SMARCA2: variants seen among roughly 807,000 people sequenced by gnomAD.
SMARCA2 encodes SWI/SNF related BAF chromatin remodeling complex subunit ATPase 2, also known as SWI/SNF-related matrix-associated actin-dependent regulator of chromatin subfamily A member 2.
A neutral mutation model predicts 199.8 loss-of-function variants in SMARCA2; 61 were observed. The ratio of observed to expected loss-of-function variants is 0.31; its 90% CI spans 0.25 to 0.38. The LOEUF (loss-of-function observed/expected upper bound fraction) is 0.38. Ranked by LOEUF, SMARCA2 falls within the 10% of genes least tolerant of loss-of-function variation. SMARCA2 has a pLI of 1.00. For synonymous variants in SMARCA2, 935 were observed against 732.0 expected (o/e 1.28, Z -4.48); for missense variants, 1,344 against 2,012.2 (o/e 0.67, Z 6.35).
chr9:2,040,217 G>C (rs752249241), intron 4 of SMARCA2: 84 of 564,424 alleles, frequency 1.5e-4, no homozygotes, highest in Non-Finnish European at 2.1e-4. Context: ...ACAAGGTTAA[G>C]AACCTCTGGA....
At chr9:2,019,815 TG>T (rs1293144795) in intron 1 of SMARCA2, among the ~76,000 whole-genome samples, 1 of 151,502 alleles carries the variant, frequency 6.6e-6, no homozygotes, top group Non-Finnish European at 1.5e-5. Context: ...AGTGTTTTCT[TG>T]TTTTTTTTTT....
intron 9 of SMARCA2, among the ~76,000 whole-genome samples, chr9:2,067,171 A>G (rs916711449): frequency 1.3e-5 from 2 of 152,228 alleles, no homozygotes; most frequent in African/African-American, 2.4e-5. Flanking sequence ...CACCAATTCA[A>G]TGGCTAATTG....
In SMARCA2 at chr9:2,033,046, G is replaced by T. The variant is rs533959336; in HGVS notation, c.320G>T (p.Gly107Val). The part of the protein sequence containing the change: ...TGMRPPHPGM[G>V]PPQSPMDQHS... ...ATGCGACCACCTCACCCAGGCATGG[G>T]CCCTCCCCAGAGTCCAATGGATCAA... Residue 107 changes from glycine (G) to valine (V), a missense_variant, in exon 3 of 34, where the codon GGC becomes GTC. Transcript: ENST00000349721. 2.5e-5 allele frequency: 40 copies of T among 1,614,092 alleles called. No individual in the cohort carries two copies. The highest frequency in any genetic ancestry group is 3.3e-5 in the Non-Finnish European group (39 of 1,179,974).
chr9:2,091,937 GCATAGGAAAATTA>G (rs1563762740), intron 19 of SMARCA2, among the ~76,000 whole-genome samples: 1 of 152,138 alleles, frequency 6.6e-6, no homozygotes, highest in Non-Finnish European at 1.5e-5. Context: ...CAGGTCAACC[GCATAGGAAAATTA>G]GCTTTAATAT....
chr9:2,155,529 C>T (rs1039571594), intron 27 of SMARCA2, among the ~76,000 whole-genome samples: 1 of 152,096 alleles, frequency 6.6e-6, no homozygotes, highest in African/African-American at 2.4e-5. Context: ...GATCCACCCG[C>T]CTTGGCCTCC....
intron 1 of SMARCA2, among the ~76,000 whole-genome samples, chr9:2,028,765 T>TG (rs971119493): frequency 1.3e-5 from 2 of 152,222 alleles, no homozygotes; most frequent in African/African-American, 4.8e-5. Context: ...TATATTTTTC[T>TG]GGGGAATCAT....
At position 2,101,553 on chromosome 9, in the gene SMARCA2, A is replaced by G. The variant is rs776431853; in HGVS notation, c.3079-17A>G. ...TACATTTTTTAAAATCATTCTTTCT[A>G]TCTCTCTCTTTTAAAGGAATCCTTT... is the stretch of plus-strand genomic sequence containing the variant. On this transcript the variant is annotated splice_polypyrimidine_tract_variant and intron_variant, in intron 21 of 33. Coordinates refer to ENST00000349721, the MANE Select transcript of SMARCA2 (RefSeq NM_003070.5). The G allele has an allele frequency of 1.4e-5, 19 of 1,394,284 alleles. No homozygotes were observed. Among genetic ancestry groups the G allele is most frequent in the African/African-American group, 4.4e-5 (3 of 68,476 alleles). 86.4% of individuals were successfully genotyped at this position (1,394,284 alleles called of 1,614,324 possible).
intron 29 of SMARCA2, among the ~76,000 whole-genome samples, chr9:2,180,565 G>C (rs1826953361): frequency 6.6e-6 from 1 of 152,120 alleles, no homozygotes; most frequent in Non-Finnish European, 1.5e-5. Context: ...GATATTTCTG[G>C]CTTCACAAAG....
chr9:2,076,858 C>T (rs1821348838), intron 13 of SMARCA2, among the ~76,000 whole-genome samples: 1 of 152,094 alleles, frequency 6.6e-6, no homozygotes, highest in Non-Finnish European at 1.5e-5. Flanking sequence ...CTCATCCATT[C>T]CTGTGGGCCC....
At position 2,170,877 on chromosome 9, in the gene SMARCA2, T is replaced by C. The variant is rs1826213823; in HGVS notation, c.4253+405T>C. ...TTAATGCGAAGCACCTGTAGTGACT[T>C]GATCTCCTGCGAGACATGAAGAAGC... On this transcript the variant is annotated intron_variant, in intron 29 of 33. Coordinates refer to ENST00000349721, the MANE Select transcript of SMARCA2 (RefSeq NM_003070.5). The surrounding 1 kb of genome is among the most constrained non-coding windows in gnomAD (Gnocchi z 4.7). Among the ~76,000 whole-genome samples the C allele has an allele frequency of 1.3e-5, 2 of 152,198 alleles. No individual in the cohort carries two copies. The highest frequency in any genetic ancestry group is 6.5e-5 in the Admixed American group (1 of 15,290).
chr9:2,075,938 A>C (rs1012941164), intron 12 of SMARCA2, among the ~76,000 whole-genome samples: 9 of 152,338 alleles, frequency 5.9e-5, no homozygotes, highest in African/African-American at 2.2e-4. Context: ...TAACCAAATA[A>C]TGATAAACAT....
intron 31 of SMARCA2, among the ~76,000 whole-genome samples, chr9:2,182,592 C>G (rs1181156765): frequency 6.8e-6 from 1 of 146,616 alleles, no homozygotes; most frequent in Non-Finnish European, 1.5e-5. Flanking sequence ...CTCCCAGGTT[C>G]AAGCCATTCT....
rs765102502 is a variant in SMARCA2, at chr9:2,070,440, G to T, written c.1715G>T (p.Gly572Val). The change falls in exon 10 of 34, where the codon GGT becomes GTT. Residue 572 changes from glycine to valine, a missense_variant. Gly to Val is a moderately radical substitution (Grantham distance 109). Around this residue, in one of 18 missense-constraint regions of SMARCA2, gnomAD observed 68 missense variants for 70.4 expected, o/e 0.97. Coordinates refer to ENST00000349721, the MANE Select transcript of SMARCA2 (RefSeq NM_003070.5). ...RKKKAEENAE[G>V]GESALGPDGE... The stretch of plus-strand genomic sequence containing the variant: ...CAGAAGGCTGAGGAGAATGCAGAGG[G>T]TGGGGAGTCTGCCCTGGGACCGGAT... 2 of 1,613,968 alleles carry T rather than the reference G, an allele frequency of 1.2e-6. No homozygotes were observed. The highest frequency in any genetic ancestry group is 1.3e-5 in the African/African-American group (1 of 75,038).
intron 31 of SMARCA2, among the ~76,000 whole-genome samples, chr9:2,182,807 T>A (rs1827147538): frequency 6.3e-5 from 1 of 15,996 alleles, no homozygotes; most frequent in South Asian, 2.5e-3. Flanking sequence ...AAAGCATATA[T>A]TTTTTTTTCG....
intron 27 of SMARCA2, among the ~76,000 whole-genome samples, chr9:2,137,722 G>A (rs1824268297): frequency 6.6e-6 from 1 of 152,164 alleles, no homozygotes; most frequent in African/African-American, 2.4e-5. Flanking sequence ...CTTCTTGACT[G>A]CTATGTCCTG....
At chr9:2,044,996 G>C (rs930449171) in intron 4 of SMARCA2, 2 of 152,176 alleles carry the variant, frequency 1.3e-5, no homozygotes, top group South Asian at 4.1e-4. Flanking sequence ...TTGATTAAAT[G>C]TAGTTTTTAA....
At position 2,033,657 on chromosome 9, in the gene SMARCA2, T is replaced by G. The variant is rs77381160; in HGVS notation, c.355+576T>G. On this transcript the variant is annotated intron_variant, in intron 3 of 33. Transcript: ENST00000349721. Reference sequence around the variant, plus strand: ...TACCACAAACAGAAATGTATTCTCTTATATAATTCTGGAGGCAAAGTCTGA... The same window carrying G: ...TACCACAAACAGAAATGTATTCTCTGATATAATTCTGGAGGCAAAGTCTGA... 3.7e-3 allele frequency among the ~76,000 whole-genome samples: 564 copies of G among 152,328 alleles called. 5 individuals are homozygous for G. Among genetic ancestry groups the G allele is most frequent in the African/African-American group, 0.013 (527 of 41,566 alleles).
chr9:2,159,562 G>A, intron 27 of SMARCA2: 3 of 360,802 alleles, frequency 8.3e-6, no homozygotes, highest in Non-Finnish European at 1.5e-5. Context: ...TAAAATGCGA[G>A]CAAGACTCAG....
intron 3 of SMARCA2, among the ~76,000 whole-genome samples, chr9:2,037,216 CTGTT>C (rs1355662091): frequency 3.9e-5 from 6 of 152,188 alleles, no homozygotes; most frequent in Admixed American, 2.6e-4. Context: ...AGTTAAGTGT[CTGTT>C]ATTGATATTC....
Sources: gnomAD v4.1 joint callset for allele counts (sites outside exome capture counted in the v4.1 genomes callset) on GRCh38, gnomAD v4.1.1 for gene constraint, gnomAD v4.1.1 regional missense constraint, Gnocchi (gnomAD v3.1) non-coding constraint, MANE v1.5 for transcripts, NCBI Gene and HGNC (gene_info 2026-07-23, HGNC 2026-07-21) for gene names.